BCAP29: variants seen among roughly 807,000 people sequenced by gnomAD.
The protein encoded by BCAP29 is B cell receptor associated protein 29.
In BCAP29, 34 loss-of-function variants were observed where a neutral mutation model predicts 31.8. The observed-to-expected ratio is 1.07, with a 90% confidence interval of 0.81 to 1.42. The LOEUF (loss-of-function observed/expected upper bound fraction) is 1.42, where lower values mean the gene tolerates loss of function less well. Ranked by LOEUF, BCAP29 falls within the 40% of genes most tolerant of loss-of-function variation. BCAP29 has a pLI of 0.00. For synonymous variants in BCAP29, 104 were observed against 91.3 expected, an observed-to-expected ratio of 1.14 and a Z score of -0.79; for missense variants, 314 against 269.2, an observed-to-expected ratio of 1.17 and a Z score of -1.16.
intron 5 of BCAP29, among the ~76,000 whole-genome samples, chr7:107,598,595 C>T (rs1040466483): frequency 3.3e-5 from 5 of 152,116 alleles, no homozygotes; most frequent in Non-Finnish European, 4.4e-5. Flanking sequence ...TTATCTCTTA[C>T]AGCACCTTAC....
intron 3 of BCAP29, among the ~76,000 whole-genome samples, chr7:107,592,426 T>C (rs146882145): frequency 3.3e-3 from 507 of 152,222 alleles, no homozygotes; most frequent in Non-Finnish European, 5.4e-3. Context: ...TAATCAAAAA[T>C]ATAATAACAA....
intron 2 of BCAP29, among the ~76,000 whole-genome samples, chr7:107,581,495 A>T (rs968085970): frequency 1.3e-5 from 2 of 152,248 alleles, no homozygotes; most frequent in Admixed American, 6.5e-5. Context: ...CAGTGTTTCA[A>T]GCCAAGCAGT....
chr7:107,593,623 C>T (rs1809275949), intron 3 of BCAP29, among the ~76,000 whole-genome samples: 1 of 152,080 alleles, frequency 6.6e-6, no homozygotes, highest in Admixed American at 6.5e-5. Flanking sequence ...TGTCAATAGG[C>T]TGAATTTTAG....
At position 107,595,960 on chromosome 7, in the gene BCAP29, G is replaced by A. The variant is rs1281656829; in HGVS notation, c.438G>A (p.Lys146=). 6.3e-7 allele frequency: 1 copy of A among 1,579,984 alleles called. No individual in the cohort carries two copies. Among genetic ancestry groups the A allele is most frequent in the South Asian group, 1.2e-5 (1 of 84,402 alleles). Residue 146 remains lysine, a synonymous_variant, in exon 5 of 8, where the codon AAG becomes AAA. Transcript: ENST00000005259. ...VLKTQAENTN[K]AAKKFMEENE... ...AAACTCAAGCAGAAAATACTAACAA[G>A]GCTGCCAAAAAATTTATGGAAGAAA...
At chr7:107,616,705 C>A (rs1324906195) in intron 7 of BCAP29, among the ~76,000 whole-genome samples, 1 of 152,038 alleles carries the variant, frequency 6.6e-6, no homozygotes, top group East Asian at 1.9e-4. Flanking sequence ...GTATAAGATT[C>A]TCAGATTTAG....
At chr7:107,598,095 G>A (rs532906170) in intron 5 of BCAP29, among the ~76,000 whole-genome samples, 19 of 152,262 alleles carry the variant, frequency 1.2e-4, no homozygotes, top group Non-Finnish European at 2.2e-4. Context: ...AGTAGTGAAA[G>A]CTTATTTACA....
At position 107,592,543 on chromosome 7, in the gene BCAP29, A is replaced by T. The variant is rs1002320021; in HGVS notation, c.194-1412A>T. Among the ~76,000 whole-genome samples the T allele has an allele frequency of 2.6e-5, 4 of 152,344 alleles. No homozygotes were observed. The East Asian group carries it at 7.7e-4, about 29-fold the overall frequency. On this transcript the variant is annotated intron_variant, in intron 3 of 7. Coordinates refer to ENST00000005259, the MANE Select transcript of BCAP29 (RefSeq NM_018844.4). ...AGTTTGGCAGTTCCTCAAAAATTAA[A>T]CATAGAGTTACCATATGGCCCAGCA...
chr7:107,619,932 A>G lies in BCAP29; in HGVS notation c.*1569A>G, dbSNP rs1025986294. On this transcript the variant is annotated 3_prime_UTR_variant, in exon 8 of 8. Transcript: ENST00000005259. ...ATCACTTATTTAGCCATGCTAGCCT[A>G]GGCCTCTATTTCCTTGTCTCCAAAA... 2 of 152,230 alleles carry G rather than the reference A, an allele frequency of 1.3e-5. No individual in the cohort carries two copies. The highest frequency in any genetic ancestry group is 4.8e-5 in the African/African-American group (2 of 41,462). 9.4% of individuals were successfully genotyped at this position (152,230 alleles called of 1,614,324 possible). A position where few individuals can be genotyped will look rare whatever the true frequency, so the allele number is the denominator to read the frequency against.
intron 7 of BCAP29, chr7:107,616,533 T>A (rs909017288): frequency 6.6e-6 from 1 of 152,214 alleles, no homozygotes; most frequent in Non-Finnish European, 1.5e-5. Flanking sequence ...GGTACTTTAC[T>A]ACTTAAATAA....
intron 4 of BCAP29, 156 bp downstream of exon 4, chr7:107,594,261 T>C: frequency 1.6e-6 from 1 of 637,036 alleles, no homozygotes; most frequent in East Asian, 2.8e-5. Context: ...CCTTCATAGC[T>C]CACTGTAACT....
At chr7:107,591,157 T>G (rs1808679605) in intron 3 of BCAP29, among the ~76,000 whole-genome samples, 1 of 152,206 alleles carries the variant, frequency 6.6e-6, no homozygotes, top group South Asian at 2.1e-4. Context: ...GTTGGAATAC[T>G]CAATATTATT....
chr7:107,606,611 C>A (rs1194815400), intron 6 of BCAP29, among the ~76,000 whole-genome samples: 1 of 152,098 alleles, frequency 6.6e-6, no homozygotes, highest in Non-Finnish European at 1.5e-5. Flanking sequence ...GAAATGGGGC[C>A]ACAAGTCTTA....
At chr7:107,621,755 C>T (rs1190213428), downstream of BCAP29, 1 of 472,870 alleles carries the variant, frequency 2.1e-6, no homozygotes, top group African/African-American at 2.0e-5. Context: ...AGGCAAAGAA[C>T]AGATTCTTCC....
chr7:107,580,014 T>C (rs1272374358), upstream of BCAP29: 1 of 152,366 alleles, frequency 6.6e-6, no homozygotes, highest in East Asian at 1.9e-4. Flanking sequence ...GGGGCCGCAC[T>C]TAGCAGTGGA....
chr7:107,594,188 A>T (rs879238228), intron 4 of BCAP29, 83 bp downstream of exon 4: 3 of 1,060,056 alleles, frequency 2.8e-6, no homozygotes, highest in Non-Finnish European at 2.6e-6. Flanking sequence ...TTTACTGTAG[A>T]TTTTTTTTTT....
At chr7:107,614,894 C>T (rs948328678) in intron 7 of BCAP29, among the ~76,000 whole-genome samples, 10 of 152,128 alleles carry the variant, frequency 6.6e-5, no homozygotes, top group African/African-American at 2.2e-4. Flanking sequence ...GATAATTATT[C>T]GTGGTATCTT....
chr7:107,591,660 T>C (rs1279920584), intron 3 of BCAP29, among the ~76,000 whole-genome samples: 6 of 15,548 alleles, frequency 3.9e-4, no homozygotes, highest in African/African-American at 2.0e-3. Context: ...ACACACACCC[T>C]ATTGGTTCTT....
chr7:107,608,141 T>C (rs565549191), intron 6 of BCAP29, among the ~76,000 whole-genome samples: 128 of 152,026 alleles, frequency 8.4e-4, no homozygotes, highest in African/African-American at 2.7e-3. Context: ...GTAATCTTTG[T>C]GAATCACTGT....
At chr7:107,596,039 G>T in intron 5 of BCAP29, 37 bp downstream of exon 5, 1 of 1,520,348 alleles carries the variant, frequency 6.6e-7, no homozygotes, top group Non-Finnish European at 8.8e-7. Flanking sequence ...AATGTTGTTG[G>T]TGTTCCCGAG....
Sources: gnomAD v4.1 joint callset for allele counts (sites outside exome capture counted in the v4.1 genomes callset) on GRCh38, gnomAD v4.1.1 for gene constraint, MANE v1.5 for transcripts, NCBI Gene and HGNC (gene_info 2026-07-23, HGNC 2026-07-21) for gene names.